The following MARK1 variants were observed in gnomAD, a reference collection of about 807,000 sequenced individuals.
MARK1 encodes serine/threonine-protein kinase MARK1.
A neutral mutation model predicts 96.3 loss-of-function variants in MARK1; 40 were observed. The ratio of observed to expected loss-of-function variants is 0.42; its 90% CI spans 0.32 to 0.54. MARK1 has a LOEUF of 0.54. MARK1 is among the 20% of genes least tolerant of loss of function. The pLI is 0.16. For synonymous variants in MARK1, 317 were observed against 341.2 expected (o/e 0.93, Z 0.78); for missense variants, 719 against 984.6 (o/e 0.73, Z 3.61).
chr1:220,600,164 C>A (rs1402702929), intron 5 of MARK1, among the ~76,000 whole-genome samples: 1 of 152,058 alleles, frequency 6.6e-6, no homozygotes, highest in African/African-American at 2.4e-5. Context: ...TATATCATAT[C>A]ATGATTAGAA....
chr1:220,631,940 T>A (rs1218467390), intron 10 of MARK1, among the ~76,000 whole-genome samples: 1 of 152,172 alleles, frequency 6.6e-6, no homozygotes, highest in Non-Finnish European at 1.5e-5. Flanking sequence ...AGCTCAGGAA[T>A]GTATTAGGCA....
In MARK1 at chr1:220,579,357, A is replaced by T; in HGVS notation, c.55A>T (p.Thr19Ser). The T allele has an allele frequency of 6.2e-7, 1 of 1,611,514 alleles. No homozygotes were observed. Among genetic ancestry groups the T allele is most frequent in the Non-Finnish European group, 8.5e-7 (1 of 1,177,692 alleles). The change falls in exon 2 of 18, where the codon ACA becomes TCA. Residue 19 changes from threonine (T) to serine (S), a missense_variant. Coordinates refer to ENST00000366917, the MANE Select transcript of MARK1 (RefSeq NM_018650.5). ...TVNERDTENH[T>S]SVDGYTEPHI... ...AATCTTGTAAACTTTTTCTTAGCAT[A>T]CATCTGTGGATGGATATACTGAACC...
intron 17 of MARK1, 58 bp downstream of exon 17, chr1:220,657,892 T>G: frequency 7.9e-7 from 1 of 1,273,692 alleles, no homozygotes; most frequent in South Asian, 1.8e-5. Context: ...AACGTACTTT[T>G]GAAATACTTA....
intron 1 of MARK1, among the ~76,000 whole-genome samples, chr1:220,529,365 A>G (rs1660155551): frequency 1.3e-5 from 2 of 152,120 alleles, no homozygotes; most frequent in Non-Finnish European, 2.9e-5. Flanking sequence ...TTGTGTCCAC[A>G]TTTTGGGTCA....
chr1:220,635,369 C>A lies in MARK1; in HGVS notation c.1123-7C>A. On this transcript the variant is annotated splice_region_variant and splice_polypyrimidine_tract_variant and intron_variant, in intron 11 of 17. Coordinates refer to ENST00000366917, the MANE Select transcript of MARK1 (RefSeq NM_018650.5). ...CTTTAAAATCCCTGTGGTTTTTCTT[C>A]TTATAGTTTGAAGGTGGTGAATCGT... 1.3e-5 allele frequency: 11 copies of A among 879,322 alleles called. No homozygotes were observed. Among genetic ancestry groups the A allele is most frequent in the Non-Finnish European group, 1.7e-5 (11 of 648,700 alleles). 54.5% of individuals were successfully genotyped at this position (879,322 alleles called of 1,614,324 possible). A position where few individuals can be genotyped will look rare whatever the true frequency, so the allele number is the denominator to read the frequency against.
At chr1:220,545,084 T>C (rs970215768) in intron 1 of MARK1, among the ~76,000 whole-genome samples, 8 of 152,182 alleles carry the variant, frequency 5.3e-5, no homozygotes, top group Non-Finnish European at 1.0e-4. Context: ...AAGAAAGCCT[T>C]TGAAATGAGG....
intron 3 of MARK1, among the ~76,000 whole-genome samples, chr1:220,594,564 G>GTCCA (rs1403136460): frequency 2.0e-5 from 3 of 152,122 alleles, no homozygotes; most frequent in African/African-American, 7.2e-5. Context: ...ACAGAAACTT[G>GTCCA]CACATGGATG....
rs561817886 is a variant in MARK1, at chr1:220,547,891, G to A, written c.51+19018G>A. Among the ~76,000 whole-genome samples, 11 of 152,288 alleles carry A rather than the reference G, an allele frequency of 7.2e-5. No homozygotes were observed. The South Asian group carries it at 2.3e-3, about 32-fold the overall frequency. Reference sequence around the variant, plus strand: ...TCTGTACTGTGATTTTCTTAAGCCTGTCACACACATAATGCTGCAAACTCC... The same window carrying A: ...TCTGTACTGTGATTTTCTTAAGCCTATCACACACATAATGCTGCAAACTCC... On this transcript the variant is annotated intron_variant, in intron 1 of 17. Transcript: ENST00000366917.
chr1:220,537,798 A>T (rs553383969), intron 1 of MARK1, among the ~76,000 whole-genome samples: 2 of 152,032 alleles, frequency 1.3e-5, no homozygotes, highest in South Asian at 4.2e-4. Flanking sequence ...GTGAGATGGT[A>T]TCTCACTGTG....
intron 3 of MARK1, among the ~76,000 whole-genome samples, chr1:220,585,463 CTG>C (rs961801355): frequency 2.0e-4 from 30 of 152,144 alleles, no homozygotes; most frequent in Non-Finnish European, 5.9e-5. Flanking sequence ...GAAAAACAAA[CTG>C]TGCAGTTTAG....
chr1:220,581,971 G>A (rs1664274511), intron 3 of MARK1, among the ~76,000 whole-genome samples: 1 of 152,148 alleles, frequency 6.6e-6, no homozygotes, highest in African/African-American at 2.4e-5. Context: ...AATATAATGG[G>A]ACCATTGTCA....
At chr1:220,561,243 T>C (rs893300404) in intron 1 of MARK1, among the ~76,000 whole-genome samples, 8 of 152,132 alleles carry the variant, frequency 5.3e-5, no homozygotes, top group Non-Finnish European at 1.0e-4. Flanking sequence ...GTTAAACACA[T>C]GAGATAAATG....
rs1669544246 is a variant in MARK1, at chr1:220,662,736, TTTTCC to T, written c.*573_*577del. The stretch of plus-strand genomic sequence containing the variant: ...AAATTATTACTGCTTATCTTTGCTC[TTTTCC>T]TTGTTATCCCGCAAGGTTTAGTTGA... On this transcript the variant is annotated 3_prime_UTR_variant, in exon 18 of 18. Coordinates refer to ENST00000366917, the MANE Select transcript of MARK1 (RefSeq NM_018650.5). 2 of 152,890 alleles carry T rather than the reference TTTTCC, an allele frequency of 1.3e-5. No homozygotes were observed. Among genetic ancestry groups the T allele is most frequent in the Non-Finnish European group, 1.5e-5 (1 of 68,200 alleles). 9.5% of individuals were successfully genotyped at this position (152,890 alleles called of 1,614,324 possible).
intron 1 of MARK1, among the ~76,000 whole-genome samples, chr1:220,529,774 A>G (rs1463053042): frequency 6.6e-6 from 1 of 152,172 alleles, no homozygotes. Context: ...TCTGAAAAGT[A>G]CAGTTGTGTG....
chr1:220,633,774 G>C (rs981190596), intron 11 of MARK1, among the ~76,000 whole-genome samples: 1 of 152,240 alleles, frequency 6.6e-6, no homozygotes, highest in Non-Finnish European at 1.5e-5. Flanking sequence ...ATGGAAGACT[G>C]TGTAAGCACA....
At chr1:220,616,897 C>A (rs759724062) in intron 7 of MARK1, among the ~76,000 whole-genome samples, 36 of 152,108 alleles carry the variant, frequency 2.4e-4, no homozygotes, top group Non-Finnish European at 4.9e-4. Flanking sequence ...AAAAAATCTG[C>A]AAAAAATAAT....
chr1:220,628,688 C>T (rs1184804507), intron 9 of MARK1, among the ~76,000 whole-genome samples: 2 of 152,028 alleles, frequency 1.3e-5, no homozygotes, highest in Non-Finnish European at 2.9e-5. Flanking sequence ...AGAATCGCAC[C>T]CACCCCACAA....
intron 6 of MARK1, among the ~76,000 whole-genome samples, chr1:220,606,593 C>A (rs1288433139): frequency 6.6e-5 from 10 of 152,152 alleles, no homozygotes; most frequent in African/African-American, 2.4e-4. Flanking sequence ...GTCATGAAGT[C>A]CTTGCCCATG....
At chr1:220,649,683 A>G (rs1230226273) in intron 13 of MARK1, among the ~76,000 whole-genome samples, 1 of 152,152 alleles carries the variant, frequency 6.6e-6, no homozygotes, top group African/African-American at 2.4e-5. Context: ...ATCTGTATTC[A>G]GTTTTGTTTA....
Sources: gnomAD v4.1 joint callset for allele counts (sites outside exome capture counted in the v4.1 genomes callset) on GRCh38, gnomAD v4.1.1 for gene constraint, MANE v1.5 for transcripts, NCBI Gene and HGNC (gene_info 2026-07-23, HGNC 2026-07-21) for gene names.